MORN4: variants seen among roughly 807,000 people sequenced by gnomAD.
MORN4 encodes the protein MORN repeat-containing protein 4.
MORN4 carries 8 observed loss-of-function variants against 16.4 expected under a neutral mutation model. The observed-to-expected ratio is 0.49, with a 90% CI of 0.29 to 0.88. The LOEUF (loss-of-function observed/expected upper bound fraction) is 0.88. Among genes scored for constraint, MORN4 ranks in the 40% least tolerant of loss-of-function variants. The pLI is 0.09. For missense variants in MORN4, 159 were observed against 182.9 expected, an observed-to-expected ratio of 0.87 and a Z score of 0.75; for synonymous variants, 53 against 68.9, an observed-to-expected ratio of 0.77 and a Z score of 1.14.
In MORN4 at chr10:97,621,950, C is replaced by A. The variant is rs142297544; in HGVS notation, c.-30-2267G>T. ...GACTTGTTCTAGATAATGGAATGTT[C>A]GCAAAGGTGATCTAGCAGAGGTCTG... On this transcript the variant is annotated intron_variant, in intron 1 of 4. Coordinates refer to ENST00000307450, the MANE Select transcript of MORN4 (RefSeq NM_178832.4). 2.7e-3 allele frequency among the ~76,000 whole-genome samples: 417 copies of A among 152,208 alleles called. 2 individuals carry two copies. The highest frequency in any genetic ancestry group is 9.7e-3 in the African/African-American group (403 of 41,522).
At chr10:97,622,603 A>T (rs1333686830) in intron 1 of MORN4, among the ~76,000 whole-genome samples, 1 of 149,694 alleles carries the variant, frequency 6.7e-6, no homozygotes, top group Non-Finnish European at 1.5e-5. Context: ...GCTGAGGTGG[A>T]AGGATCGCTT....
At chr10:97,632,858 G>A (rs2041408836) in intron 1 of MORN4, among the ~76,000 whole-genome samples, 2 of 152,066 alleles carry the variant, frequency 1.3e-5, no homozygotes. Flanking sequence ...AAGCAGTTCA[G>A]AGATGCTAGA....
At chr10:97,627,131 T>A (rs983565966) in intron 1 of MORN4, among the ~76,000 whole-genome samples, 1 of 148,144 alleles carries the variant, frequency 6.8e-6, no homozygotes, top group Non-Finnish European at 1.5e-5. Context: ...CAGAGGGACC[T>A]GAACACCTTT....
intron 1 of MORN4, among the ~76,000 whole-genome samples, chr10:97,625,645 A>G (rs2041339469): frequency 5.3e-5 from 8 of 152,236 alleles, no homozygotes. Flanking sequence ...TGAAAAAGAA[A>G]ATCTCAGCAA....
At chr10:97,629,910 C>T (rs1235249160) in intron 1 of MORN4, among the ~76,000 whole-genome samples, 3 of 151,386 alleles carry the variant, frequency 2.0e-5, no homozygotes, top group Non-Finnish European at 4.4e-5. Flanking sequence ...AGGTGCTCGC[C>T]ACCACGCCCA....
chr10:97,626,382 T>A (rs924759467), intron 1 of MORN4, among the ~76,000 whole-genome samples: 3 of 27,832 alleles, frequency 1.1e-4, no homozygotes, highest in African/African-American at 1.8e-4. Context: ...GACTCAAAAA[T>A]AATAATAATA....
intron 1 of MORN4, among the ~76,000 whole-genome samples, chr10:97,631,688 C>CT (rs2041396835): frequency 6.6e-6 from 1 of 151,372 alleles, no homozygotes; most frequent in Non-Finnish European, 1.5e-5. Flanking sequence ...AATCCCAGCA[C>CT]GTTGGGAGGC....
rs1211093805 is a variant in MORN4 at position 97,615,705 on chromosome 10, A to G, written c.*558T>C. ...ATGCCACTGCACTCTAGCCTGGGCGAGAGTAAAACTCCATCTCAAAAATAA... is the reference window on the plus strand; with the variant it reads ...ATGCCACTGCACTCTAGCCTGGGCGGGAGTAAAACTCCATCTCAAAAATAA... On this transcript the variant is annotated 3_prime_UTR_variant, in exon 5 of 5. Transcript: ENST00000307450. The G allele has an allele frequency of 6.6e-6, 1 of 151,964 alleles. No homozygotes were observed. The highest frequency in any genetic ancestry group is 2.4e-5 in the African/African-American group (1 of 41,376). The allele number at this position is 151,964 out of a possible 1,614,324, so 9.4% of individuals were successfully genotyped here.
At position 97,617,593 on chromosome 10, in the gene MORN4, G is replaced by A. The variant is rs376758746; in HGVS notation, c.68-271C>T. 7.9e-5 allele frequency among the ~76,000 whole-genome samples: 12 copies of A among 152,312 alleles called. No individual in the cohort carries two copies. The East Asian group carries it at 1.5e-3, about 20-fold the overall frequency. ...AAAATAACAACAGCTGACCAGGCGC[G>A]GTAGCTTACACCTGTAATCCCAGCA... is the stretch of plus-strand genomic sequence containing the variant. On this transcript the variant is annotated intron_variant, in intron 2 of 4. Coordinates refer to ENST00000307450, the MANE Select transcript of MORN4 (RefSeq NM_178832.4).
intron 1 of MORN4, among the ~76,000 whole-genome samples, chr10:97,621,870 A>C (rs2041297811): frequency 6.6e-6 from 1 of 152,152 alleles, no homozygotes; most frequent in African/African-American, 2.4e-5. Flanking sequence ...GTCTAAAAAA[A>C]AAAAGAGGCA....
intron 2 of MORN4, among the ~76,000 whole-genome samples, chr10:97,617,550 T>C (rs1034734047): frequency 1.3e-5 from 2 of 152,198 alleles, no homozygotes; most frequent in African/African-American, 4.8e-5. Context: ...TACCCAAGTA[T>C]GAATAAGAGA....
At chr10:97,630,765 A>C (rs2041389317) in intron 1 of MORN4, among the ~76,000 whole-genome samples, 1 of 152,240 alleles carries the variant, frequency 6.6e-6, no homozygotes, top group African/African-American at 2.4e-5. Context: ...ACAGCTACTG[A>C]CCTAAAAAGG....
chr10:97,619,452 G>A (rs2041268559), intron 2 of MORN4, 135 bp downstream of exon 2: 1 of 715,202 alleles, frequency 1.4e-6, no homozygotes, highest in Non-Finnish European at 2.6e-6. Flanking sequence ...TGGAATAAAG[G>A]AATGGCAGGC....
rs1482806303 is a variant in MORN4, at chr10:97,618,308, A to G, written c.68-986T>C. On this transcript the variant is annotated intron_variant, in intron 2 of 4. Coordinates refer to ENST00000307450, the MANE Select transcript of MORN4 (RefSeq NM_178832.4). The stretch of plus-strand genomic sequence containing the variant: ...GAGACAGAGTCTCACTCTGTCGCCC[A>G]GGCTGGAGCACAGTGGTGCGATCTT... 2.7e-5 allele frequency among the ~76,000 whole-genome samples: 3 copies of G among 110,950 alleles called. No homozygotes were observed. In the Admixed American group the frequency reaches 4.2e-4, roughly 15 times the overall value. 72.8% of individuals were successfully genotyped at this position (110,950 alleles called of 152,430 possible).
At chr10:97,631,447 G>C (rs1269996117) in intron 1 of MORN4, among the ~76,000 whole-genome samples, 1 of 152,004 alleles carries the variant, frequency 6.6e-6, no homozygotes, top group Admixed American at 6.6e-5. Context: ...ATTTTCTTTT[G>C]TCCCAGACAT....
rs753584202 is a variant in MORN4, at chr10:97,616,317, G to C, written c.387C>G (p.Ala129=). 4 of 1,613,330 alleles carry C rather than the reference G, an allele frequency of 2.5e-6. No homozygotes were observed. The highest frequency in any genetic ancestry group is 3.4e-6 in the Non-Finnish European group (4 of 1,179,644). Residue 129 remains alanine (A), a synonymous_variant, in exon 5 of 5, where the codon GCC becomes GCG. Coordinates refer to ENST00000307450, the MANE Select transcript of MORN4 (RefSeq NM_178832.4). ...NKLLRREKCS[A]IVQRAQSASK... ...AGGCGCTCTGGGCCCGCTGAACAAT[G>C]GCAGAACACTTCTCACGTCGCAGCA... is the stretch of plus-strand genomic sequence containing the variant.
At chr10:97,632,212 CTTTTTT>C (rs1162979185) in intron 1 of MORN4, among the ~76,000 whole-genome samples, 888 of 86,960 alleles carry the variant, frequency 0.01, 11 homozygotes, top group African/African-American at 0.04. Context: ...TAATACTCCC[CTTTTTT>C]TTTTTTTTTT....
Position 97,629,925 on chromosome 10 carries a change from ATTTTTTTTTTT to A in MORN4, c.-31+3411_-31+3421del. Among the ~76,000 whole-genome samples the A allele has an allele frequency of 3.2e-5, 4 of 126,380 alleles. No homozygotes were observed. In the Middle Eastern group the frequency reaches 0.012, roughly 385 times the overall value. The allele number at this position is 126,380 out of a possible 152,430, so 82.9% of individuals were successfully genotyped here. On this transcript the variant is annotated intron_variant, in intron 1 of 4. Transcript: ENST00000307450. ...AGGTGCTCGCCACCACGCCCAGCTA[ATTTTTTTTTTT>A]TTTTTTTTGAGACGGAGTCTTGCTG...
intron 1 of MORN4, among the ~76,000 whole-genome samples, chr10:97,621,121 G>A (rs1011237967): frequency 3.9e-4 from 52 of 132,730 alleles, no homozygotes; most frequent in African/African-American, 1.5e-3. Flanking sequence ...ACTCTGTCTC[G>A]AGAAATAAAT....
Sources: gnomAD v4.1 joint callset for allele counts (sites outside exome capture counted in the v4.1 genomes callset) on GRCh38, gnomAD v4.1.1 for gene constraint, MANE v1.5 for transcripts, NCBI Gene and HGNC (gene_info 2026-07-23, HGNC 2026-07-21) for gene names.